The following SEM1 variants were observed in gnomAD, a reference collection of about 807,000 sequenced individuals.
SEM1 encodes the protein 26S proteasome complex subunit SEM1.
In SEM1, 3 loss-of-function variants were observed where a neutral mutation model predicts 12.7. That is an observed-to-expected ratio of 0.24 (90% CI 0.11 to 0.61). The LOEUF (loss-of-function observed/expected upper bound fraction) is 0.61, where lower values mean the gene tolerates loss of function less well. Ranked by LOEUF, SEM1 falls within the 20% of genes least tolerant of loss-of-function variation. The pLI is 0.88. For missense variants in SEM1, 59 were observed against 81.3 expected (o/e 0.73, Z 1.06); for synonymous variants, 30 against 27.8 (o/e 1.08, Z -0.25).
At chr7:96,682,572 A>G (rs2115724487) in intron 2 of SEM1, among the ~76,000 whole-genome samples, 1 of 152,108 alleles carries the variant, frequency 6.6e-6, no homozygotes, top group South Asian at 2.1e-4. Context: ...TAAAAACCCT[A>G]AAAGAAAACC....
chr7:96,509,144 G>C (rs1023745736), intron 2 of SEM1, among the ~76,000 whole-genome samples: 35 of 146,048 alleles, frequency 2.4e-4, no homozygotes, highest in African/African-American at 8.7e-4. Context: ...GCACCACCAC[G>C]TCCAGCTAAT....
At chr7:96,669,147 G>C (rs1329374260), downstream of SEM1, among the ~76,000 whole-genome samples, 1 of 152,106 alleles carries the variant, frequency 6.6e-6, no homozygotes, top group Admixed American at 6.6e-5. Flanking sequence ...CCCAGTCTGT[G>C]GTACTTTGTT....
intron 2 of SEM1, among the ~76,000 whole-genome samples, chr7:96,564,963 G>A (rs561227863): frequency 2.3e-4 from 35 of 151,884 alleles, no homozygotes; most frequent in Non-Finnish European, 2.1e-4. Flanking sequence ...GAAAACATAA[G>A]CAGAAGAAAA....
At chr7:96,633,690 C>T (rs1808342345) in intron 2 of SEM1, among the ~76,000 whole-genome samples, 1 of 151,976 alleles carries the variant, frequency 6.6e-6, no homozygotes, top group African/African-American at 2.4e-5. Flanking sequence ...CATTTAACAA[C>T]ATAGTTAATA....
At chr7:96,486,499 C>T in intron 1 of SEM1, 9 of 1,096,854 alleles carry the variant, frequency 8.2e-6, no homozygotes, top group Non-Finnish European at 1.2e-5. Flanking sequence ...CCACCTGGCC[C>T]TGTGTCTTCT....
intron 2 of SEM1, among the ~76,000 whole-genome samples, chr7:96,585,675 T>C (rs7809653): frequency 0.92 from 140,384 of 152,234 alleles, 65,789 homozygotes; most frequent in East Asian, 1. Flanking sequence ...CCTGATGCGC[T>C]GTTTTTTAAG....
In SEM1 at chr7:96,677,860, G is replaced by A. The variant is rs868103208; in HGVS notation, c.171-4001C>T. ...CCTAAATGACAATGTTTTCCCAGTA[G>A]CCAAGATAAAACCAATGTCCACTAT... On this transcript the variant is annotated intron_variant, in intron 2 of 2. Coordinates refer to the SEM1 transcript ENST00000413065. 1.6e-4 allele frequency among the ~76,000 whole-genome samples: 24 copies of A among 152,138 alleles called. No homozygotes were observed. In the Middle Eastern group the frequency reaches 0.014, roughly 86 times the overall value.
chr7:96,709,519 C>T (rs879772313), intron 1 of SEM1, among the ~76,000 whole-genome samples, 169 bp downstream of exon 1: 25 of 152,270 alleles, frequency 1.6e-4, no homozygotes, highest in Admixed American at 1.6e-3. Context: ...ACACCCCAAA[C>T]CCGAATCTGG....
At chr7:96,595,153 A>G (rs1806954987) in intron 2 of SEM1, among the ~76,000 whole-genome samples, 1 of 152,134 alleles carries the variant, frequency 6.6e-6, no homozygotes, top group Admixed American at 6.5e-5. Context: ...CTTTTCTCAA[A>G]CTAGGTAATA....
intron 2 of SEM1, among the ~76,000 whole-genome samples, chr7:96,692,461 T>G (rs1373457543): frequency 6.6e-6 from 1 of 152,106 alleles, no homozygotes; most frequent in Middle Eastern, 3.2e-3. Flanking sequence ...ATAAATAGTC[T>G]AATAGCATAA....
chr7:96,622,425 C>A, downstream of SEM1: 1 of 536,630 alleles, frequency 1.9e-6, no homozygotes, highest in African/African-American at 1.9e-5. Context: ...GAGGGGAAAA[C>A]AGTAGTCGAT....
chr7:96,502,063 C>A (rs1803579335), intron 3 of SEM1, among the ~76,000 whole-genome samples: 1 of 152,090 alleles, frequency 6.6e-6, no homozygotes, highest in Non-Finnish European at 1.5e-5. Flanking sequence ...AAATTTCATT[C>A]TTTTTAATGG....
chr7:96,542,042 T>G (rs914380237), intron 2 of SEM1, among the ~76,000 whole-genome samples: 1 of 151,422 alleles, frequency 6.6e-6, no homozygotes. Flanking sequence ...TCTGGCTTTT[T>G]TATTTTTGCT....
rs368118421 is a variant in SEM1, at chr7:96,703,630, T to C, written c.76+6058A>G. On this transcript the variant is annotated intron_variant, in intron 1 of 2. Transcript: ENST00000248566. Reference sequence around the variant, plus strand: ...CAAAAACCCTAAAGCTATAAGGTTATTCACTGCAGCATATTCCATTTTTTT... The same window carrying C: ...CAAAAACCCTAAAGCTATAAGGTTACTCACTGCAGCATATTCCATTTTTTT... Among the ~76,000 whole-genome samples the C allele has an allele frequency of 1.5e-3, 218 of 150,038 alleles. 1 individual carries two copies. Among genetic ancestry groups the C allele is most frequent in the South Asian group, 0.01 (49 of 4,702 alleles).
chr7:96,481,852 A>G (rs1206417597), exon 4 of SEM1: 2 of 152,176 alleles, frequency 1.3e-5, no homozygotes, highest in African/African-American at 4.8e-5. Flanking sequence ...TGATGCATGC[A>G]TGCAAATTTA....
At chr7:96,645,843 G>A in intron 2 of SEM1, 1 of 398,462 alleles carries the variant, frequency 2.5e-6, no homozygotes, top group Non-Finnish European at 4.4e-6. Flanking sequence ...TCTCGTGTGA[G>A]TTAATGAAGG....
chr7:96,611,443 T>G (rs1320034311), intron 2 of SEM1, among the ~76,000 whole-genome samples: 1 of 152,162 alleles, frequency 6.6e-6, no homozygotes, highest in African/African-American at 2.4e-5. Flanking sequence ...AAGTCCTCCA[T>G]GACAGTCATG....
intron 2 of SEM1, among the ~76,000 whole-genome samples, chr7:96,534,170 A>G (rs561073400): frequency 6.6e-6 from 1 of 152,206 alleles, no homozygotes; most frequent in Non-Finnish European, 1.5e-5. Flanking sequence ...CATTTTGTCA[A>G]AAATGAACAA....
chr7:96,611,660 T>C (rs1197892029), intron 2 of SEM1, among the ~76,000 whole-genome samples: 1 of 152,240 alleles, frequency 6.6e-6, no homozygotes, highest in African/African-American at 2.4e-5. Flanking sequence ...ATGAATACCA[T>C]GTGTTTTTGA....
Sources: gnomAD v4.1 joint callset for allele counts (sites outside exome capture counted in the v4.1 genomes callset) on GRCh38, gnomAD v4.1.1 for gene constraint, MANE v1.5 for transcripts, NCBI Gene and HGNC (gene_info 2026-07-23, HGNC 2026-07-21) for gene names.